Variants in ETV6 observed in about 807,000 individuals in gnomAD.
ETV6 encodes ETS variant transcription factor 6, also known as transcription factor ETV6.
Under a neutral mutation model 51.1 loss-of-function variants are expected in ETV6, and 16 were observed. That is an observed-to-expected ratio of 0.31 (90% CI 0.21 to 0.48). The LOEUF (loss-of-function observed/expected upper bound fraction) is 0.48. ETV6 is among the 20% of genes least tolerant of loss of function. The probability of loss-of-function intolerance (pLI) is 0.99; values close to 1 mark genes in which losing one functional copy is unlikely to be tolerated. For synonymous variants in ETV6, 240 were observed against 224.1 expected, an observed-to-expected ratio of 1.07 and a Z score of -0.64; for missense variants, 458 against 594.8, an observed-to-expected ratio of 0.77 and a Z score of 2.39.
chr12:11,658,675 C>T (rs911226924), intron 1 of ETV6, among the ~76,000 whole-genome samples: 5 of 152,194 alleles, frequency 3.3e-5, no homozygotes, highest in Non-Finnish European at 1.5e-5. Context: ...GTTCACAGGG[C>T]TGGGGTCACT....
At chr12:11,762,372 A>C (rs1379682181) in intron 2 of ETV6, among the ~76,000 whole-genome samples, 3 of 152,150 alleles carry the variant, frequency 2.0e-5, no homozygotes, top group Non-Finnish European at 4.4e-5. Flanking sequence ...CCCCTCTGCA[A>C]CTCAAGGCGT....
At chr12:11,736,126 A>T (rs1228874782) in intron 1 of ETV6, among the ~76,000 whole-genome samples, 1 of 151,952 alleles carries the variant, frequency 6.6e-6, no homozygotes, top group African/African-American at 2.4e-5. Context: ...GAAGATAGAG[A>T]TTTTCTTTTC....
intron 3 of ETV6, among the ~76,000 whole-genome samples, chr12:11,851,474 T>C (rs1272211503): frequency 2.0e-5 from 3 of 152,164 alleles, no homozygotes; most frequent in Non-Finnish European, 4.4e-5. Context: ...AGGCTTCTTA[T>C]CCCCGCCTCA....
intron 1 of ETV6, among the ~76,000 whole-genome samples, chr12:11,694,730 C>T (rs759102101): frequency 2.0e-5 from 3 of 152,220 alleles, no homozygotes; most frequent in Non-Finnish European, 4.4e-5. Flanking sequence ...AATCATTTAT[C>T]CACATGTACT....
At chr12:11,752,704 T>A (rs975888848) in intron 2 of ETV6, 125 bp downstream of exon 2, 1 of 1,291,336 alleles carries the variant, frequency 7.7e-7, no homozygotes, top group Non-Finnish European at 1.0e-6. Flanking sequence ...GCCACGCTGC[T>A]TTGGAATCTT....
chr12:11,842,218 T>C (rs1191286453), intron 3 of ETV6, among the ~76,000 whole-genome samples: 4 of 152,150 alleles, frequency 2.6e-5, no homozygotes. Flanking sequence ...CTCCGGCTTG[T>C]CTGATTGCCT....
chr12:11,884,636 T>C, intron 6 of ETV6, 49 bp downstream of exon 6: 1 of 1,604,716 alleles, frequency 6.2e-7, no homozygotes, highest in Admixed American at 1.7e-5. Flanking sequence ...CAAAATGAAG[T>C]CCTTATCCCT....
At chr12:11,739,440 G>A (rs1235703455) in intron 1 of ETV6, among the ~76,000 whole-genome samples, 2 of 152,086 alleles carry the variant, frequency 1.3e-5, no homozygotes, top group Admixed American at 6.5e-5. Context: ...GCAGAGAGAT[G>A]GGATTCTTAA....
chr12:11,853,607 C>A, intron 4 of ETV6, 46 bp downstream of exon 4: 2 of 1,601,222 alleles, frequency 1.2e-6, no homozygotes, highest in Non-Finnish European at 1.7e-6. Flanking sequence ...TTAGACAAAT[C>A]CAGGAAGTTT....
chr12:11,805,085 G>A (rs774299815), intron 2 of ETV6, among the ~76,000 whole-genome samples: 2 of 152,180 alleles, frequency 1.3e-5, no homozygotes, highest in Admixed American at 6.5e-5. Flanking sequence ...AGGAGGTGCA[G>A]GTTGCTGGGC....
chr12:11,867,280 A>T (rs1360339059), intron 4 of ETV6, among the ~76,000 whole-genome samples: 2 of 152,218 alleles, frequency 1.3e-5, no homozygotes, highest in Non-Finnish European at 2.9e-5. Context: ...TAAATACTTC[A>T]TCTTGCTTTT....
intron 2 of ETV6, among the ~76,000 whole-genome samples, chr12:11,836,841 C>G (rs569200424): frequency 6.6e-6 from 1 of 152,168 alleles, no homozygotes; most frequent in Non-Finnish European, 1.5e-5. Flanking sequence ...TTTCCTGTTT[C>G]TGCCTGAGCA....
At chr12:11,721,800 C>T (rs143294287) in intron 1 of ETV6, among the ~76,000 whole-genome samples, 116 of 152,258 alleles carry the variant, frequency 7.6e-4, no homozygotes, top group African/African-American at 2.7e-3. Flanking sequence ...ATAATAGATG[C>T]CTAATGAACA....
At position 11,869,120 on chromosome 12, in the gene ETV6, C is replaced by T. The variant is rs1217575856; in HGVS notation, c.464-304C>T. On this transcript the variant is annotated intron_variant, in intron 4 of 7. Coordinates refer to ENST00000396373, the MANE Select transcript of ETV6 (RefSeq NM_001987.5). This position sits in a 1 kb window ranked among gnomAD's most constrained non-coding sequence, Gnocchi z 5.0. ...GCATGGTGGTGGGCGCCTGTAGTCC[C>T]AGCTACTCGGGAGGCTGAGGCCGGA... Among the ~76,000 whole-genome samples, 1 of 151,874 alleles carries T rather than the reference C, an allele frequency of 6.6e-6. No homozygotes were observed. Among genetic ancestry groups the T allele is most frequent in the Admixed American group, 6.6e-5 (1 of 15,252 alleles).
At chr12:11,658,501 C>T (rs1864043712) in intron 1 of ETV6, among the ~76,000 whole-genome samples, 2 of 152,218 alleles carry the variant, frequency 1.3e-5, no homozygotes, top group Non-Finnish European at 2.9e-5. Context: ...TCTGAAAGTG[C>T]TGGGATTACA....
At chr12:11,750,943 A>C (rs1339137494) in intron 1 of ETV6, 1 of 456,608 alleles carries the variant, frequency 2.2e-6, no homozygotes, top group Non-Finnish European at 4.2e-6. Flanking sequence ...CCTCTGGGTG[A>C]CTTTTTACAG....
Position 11,893,794 on chromosome 12 carries a change from T to TATATATATATA in ETV6, c.*2748_*2749insATATATATATA, listed in dbSNP as rs58787654. 5.1e-5 allele frequency: 4 copies of TATATATATATA among 78,906 alleles called. No homozygotes were observed. Among genetic ancestry groups the TATATATATATA allele is most frequent in the African/African-American group, 1.2e-4 (2 of 17,126 alleles). The allele number at this position is 78,906 out of a possible 1,614,324, so 4.9% of individuals were successfully genotyped here. A position where few individuals can be genotyped will look rare whatever the true frequency, so the allele number is the denominator to read the frequency against. On this transcript the variant is annotated 3_prime_UTR_variant, in exon 8 of 8. Coordinates refer to ENST00000396373, the MANE Select transcript of ETV6 (RefSeq NM_001987.5). ...GTGTCCATCCCCAAGATCTCTCATT[T>TATATATATATA]TATATATATATATATATATATATAT...
intron 2 of ETV6, among the ~76,000 whole-genome samples, chr12:11,829,468 T>C (rs1946210189): frequency 6.6e-6 from 1 of 152,180 alleles, no homozygotes; most frequent in African/African-American, 2.4e-5. Context: ...CCCAGGACAA[T>C]TTGACTGCGA....
chr12:11,754,666 A>G (rs1350312733), intron 2 of ETV6, among the ~76,000 whole-genome samples: 1 of 152,244 alleles, frequency 6.6e-6, no homozygotes, highest in Non-Finnish European at 1.5e-5. Flanking sequence ...CATCTGAGGC[A>G]TCATTCTCCT....
Sources: allele counts gnomAD v4.1 joint callset (sites outside exome capture counted in the v4.1 genomes callset), GRCh38; gene constraint gnomAD v4.1.1; non-coding constraint Gnocchi (gnomAD v3.1); transcripts MANE v1.5; gene names NCBI Gene and HGNC (gene_info 2026-07-23, HGNC 2026-07-21).